ADGRB3: variants seen among roughly 807,000 people sequenced by gnomAD.
The protein encoded by ADGRB3 is brain-specific angiogenesis inhibitor 3.
A neutral mutation model predicts 193.4 loss-of-function variants in ADGRB3; 37 were observed. The ratio of observed to expected loss-of-function variants is 0.19; its 90% confidence interval spans 0.15 to 0.25. ADGRB3 has a LOEUF of 0.25. Ranked by LOEUF, ADGRB3 falls within the 10% of genes least tolerant of loss-of-function variation. ADGRB3 has a pLI of 1.00. For missense variants in ADGRB3, 1,637 were observed against 1,852.9 expected (o/e 0.88, Z 2.14); for synonymous variants, 690 against 644.2 (o/e 1.07, Z -1.08).
intron 3 of ADGRB3, among the ~76,000 whole-genome samples, chr6:68,791,182 G>T (rs1317893031): frequency 6.6e-6 from 1 of 152,004 alleles, no homozygotes; most frequent in Non-Finnish European, 1.5e-5. Flanking sequence ...TATCAGTAGG[G>T]TTTTATTCAG....
intron 3 of ADGRB3, among the ~76,000 whole-genome samples, chr6:68,855,033 G>T (rs1409058349): frequency 1.3e-5 from 2 of 152,256 alleles, no homozygotes; most frequent in East Asian, 3.9e-4. Flanking sequence ...ACCTAGGCAC[G>T]ACAGCTTTTA....
At chr6:68,868,102 T>C (rs1396734645) in intron 3 of ADGRB3, among the ~76,000 whole-genome samples, 1 of 152,192 alleles carries the variant, frequency 6.6e-6, no homozygotes, top group East Asian at 1.9e-4. Flanking sequence ...GGTAAAATGA[T>C]ATGATTTGGC....
At chr6:69,377,850 C>T (rs923856059) in intron 30 of ADGRB3, among the ~76,000 whole-genome samples, 1 of 152,034 alleles carries the variant, frequency 6.6e-6, no homozygotes, top group Admixed American at 6.6e-5. Context: ...ATTTACAGGT[C>T]ATTTACAAGT....
intron 17 of ADGRB3, among the ~76,000 whole-genome samples, chr6:69,173,449 C>T (rs901964947): frequency 1.3e-5 from 2 of 152,114 alleles, no homozygotes; most frequent in African/African-American, 4.8e-5. Flanking sequence ...TTATTTACTT[C>T]TGAATTTATA....
intron 24 of ADGRB3, among the ~76,000 whole-genome samples, chr6:69,337,148 AT>A (rs748469002): frequency 6.6e-6 from 1 of 152,326 alleles, no homozygotes; most frequent in East Asian, 1.9e-4. Context: ...ACTTAAAATT[AT>A]TTTTTAGTAA....
rs567840405 is a variant in ADGRB3 at position 68,825,842 on chromosome 6, G to A, written c.758-104717G>A. Among the ~76,000 whole-genome samples the A allele has an allele frequency of 8.5e-5, 13 of 152,324 alleles. No homozygotes were observed. In the South Asian group the frequency reaches 2.7e-3, roughly 32 times the overall value. On this transcript the variant is annotated intron_variant, in intron 3 of 31. Coordinates refer to ENST00000370598, the MANE Select transcript of ADGRB3 (RefSeq NM_001704.3). ...TTTCTGAGGCCTCCTTAGCCATGCG[G>A]AACTGTGAATCAATTAAACCTTTTT...
At chr6:69,179,515 G>T (rs926260375) in intron 17 of ADGRB3, among the ~76,000 whole-genome samples, 1 of 152,154 alleles carries the variant, frequency 6.6e-6, no homozygotes, top group African/African-American at 2.4e-5. Context: ...CATTGCTGGA[G>T]AGCTCATGTG....
At chr6:69,335,141 T>G (rs1055784188) in intron 24 of ADGRB3, among the ~76,000 whole-genome samples, 6 of 152,072 alleles carry the variant, frequency 3.9e-5, no homozygotes, top group African/African-American at 1.4e-4. Flanking sequence ...AAAAAAAAAT[T>G]TAATAAAAAA....
chr6:68,813,139 A>G (rs1051735226), intron 3 of ADGRB3, among the ~76,000 whole-genome samples: 2 of 152,088 alleles, frequency 1.3e-5, no homozygotes, highest in South Asian at 2.1e-4. Flanking sequence ...TTGTGATAGT[A>G]AATAAGTCTC....
At chr6:68,690,710 G>A (rs1223954099) in intron 3 of ADGRB3, among the ~76,000 whole-genome samples, 1 of 152,066 alleles carries the variant, frequency 6.6e-6, no homozygotes, top group African/African-American at 2.4e-5. Context: ...AGCCATAAGA[G>A]ATTGGATAAC....
At chr6:69,279,872 G>T (rs1416083596) in intron 20 of ADGRB3, among the ~76,000 whole-genome samples, 1 of 152,064 alleles carries the variant, frequency 6.6e-6, no homozygotes, top group Non-Finnish European at 1.5e-5. Flanking sequence ...ATACTAGGTA[G>T]CCAGTACTCC....
rs1005680486 is a variant in ADGRB3, at chr6:69,077,281, A to G, written c.2480+1243A>G. 6.6e-5 allele frequency among the ~76,000 whole-genome samples: 10 copies of G among 152,132 alleles called. 1 individual carries two copies. In the South Asian group the frequency reaches 1.2e-3, roughly 19 times the overall value. ...AATAGCCAGAGAAGAATTTGGTGGT[A>G]TAATCTAAGCTGCACTTAATATGTT... is the stretch of plus-strand genomic sequence containing the variant. On this transcript the variant is annotated intron_variant, in intron 17 of 31. Transcript: ENST00000370598.
At chr6:69,352,106 AAC>A (rs1769237383) in intron 26 of ADGRB3, among the ~76,000 whole-genome samples, 1 of 152,162 alleles carries the variant, frequency 6.6e-6, no homozygotes, top group Admixed American at 6.5e-5. Flanking sequence ...TTTTTCTAAA[AAC>A]AGATATACTT....
At chr6:68,952,843 G>A (rs1213693439) in intron 6 of ADGRB3, among the ~76,000 whole-genome samples, 1 of 152,060 alleles carries the variant, frequency 6.6e-6, no homozygotes, top group Non-Finnish European at 1.5e-5. Flanking sequence ...TTATGGTAGC[G>A]TTGAACCTCA....
At chr6:68,853,946 T>A (rs2127391982) in intron 3 of ADGRB3, among the ~76,000 whole-genome samples, 1 of 152,318 alleles carries the variant, frequency 6.6e-6, no homozygotes, top group Admixed American at 6.5e-5. Context: ...AAGGGAATTT[T>A]CTTTGACCCA....
intron 29 of ADGRB3, among the ~76,000 whole-genome samples, chr6:69,369,843 T>C (rs769794153): frequency 1.3e-5 from 2 of 152,172 alleles, no homozygotes; most frequent in Non-Finnish European, 2.9e-5. Flanking sequence ...TTCTCAAATA[T>C]GTAAATATCA....
rs1765507556 is a variant in ADGRB3, at chr6:69,205,055, A to G, written c.2481-28235A>G. On this transcript the variant is annotated intron_variant, in intron 17 of 31. Transcript: ENST00000370598. Reference sequence around the variant, plus strand: ...CATACACTTTTTCCATTAAAAGTAAATGCTAAATAATTTGTAAAATGTTTA... The same window carrying G: ...CATACACTTTTTCCATTAAAAGTAAGTGCTAAATAATTTGTAAAATGTTTA... 2.0e-5 allele frequency among the ~76,000 whole-genome samples: 3 copies of G among 152,230 alleles called. No individual in the cohort carries two copies. In the South Asian group the frequency reaches 6.2e-4, roughly 32 times the overall value.
chr6:69,006,993 G>A (rs533634700), intron 11 of ADGRB3, among the ~76,000 whole-genome samples: 1 of 152,044 alleles, frequency 6.6e-6, no homozygotes, highest in Non-Finnish European at 1.5e-5. Context: ...TGAGCTATAG[G>A]CTTGTAGTTA....
At chr6:68,808,921 C>A (rs1767459405) in intron 3 of ADGRB3, among the ~76,000 whole-genome samples, 1 of 152,124 alleles carries the variant, frequency 6.6e-6, no homozygotes, top group South Asian at 2.1e-4. Flanking sequence ...CTCATATATA[C>A]CAAGTCAGAG....
Sources: allele counts gnomAD v4.1 joint callset (sites outside exome capture counted in the v4.1 genomes callset), GRCh38; gene constraint gnomAD v4.1.1; transcripts MANE v1.5; gene names NCBI Gene and HGNC (gene_info 2026-07-23, HGNC 2026-07-21).